DNM3: variants seen among roughly 807,000 people sequenced by gnomAD.
DNM3 encodes dynamin 3.
A neutral mutation model predicts 101.6 loss-of-function variants in DNM3; 47 were observed. The observed-to-expected ratio is 0.46, with a 90% confidence interval of 0.37 to 0.59. The LOEUF is 0.59. Ranked by LOEUF, DNM3 falls within the 20% of genes least tolerant of loss-of-function variation. DNM3 has a pLI of 0.00. For synonymous variants in DNM3, 385 were observed against 387.9 expected, an observed-to-expected ratio of 0.99 and a Z score of 0.09; for missense variants, 849 against 1,085.7, an observed-to-expected ratio of 0.78 and a Z score of 3.06.
intron 13 of DNM3, among the ~76,000 whole-genome samples, chr1:172,125,930 T>G (rs2056596458): frequency 6.6e-6 from 1 of 152,216 alleles, no homozygotes; most frequent in South Asian, 2.1e-4. Context: ...TCAAATTTTA[T>G]TTAGTCTTTG....
At chr1:172,258,887 G>A (rs2062529175) in intron 15 of DNM3, among the ~76,000 whole-genome samples, 1 of 150,992 alleles carries the variant, frequency 6.6e-6, no homozygotes, top group South Asian at 2.1e-4. Context: ...GGCAATTATT[G>A]CTATAAACCT....
intron 2 of DNM3, among the ~76,000 whole-genome samples, chr1:171,926,927 A>G (rs983348087): frequency 6.6e-6 from 1 of 152,224 alleles, no homozygotes; most frequent in African/African-American, 2.4e-5. Context: ...TATGAAAACC[A>G]CATAGCTACC....
intron 14 of DNM3, among the ~76,000 whole-genome samples, chr1:172,145,028 C>A (rs531699330): frequency 6.6e-6 from 1 of 151,912 alleles, no homozygotes; most frequent in East Asian, 1.9e-4. Context: ...TTTTCCTCAA[C>A]TGGGCAGGAA....
intron 14 of DNM3, among the ~76,000 whole-genome samples, chr1:172,172,846 C>T (rs975585558): frequency 1.3e-4 from 20 of 151,804 alleles, no homozygotes; most frequent in East Asian, 3.9e-4. Context: ...CTTAAACAAA[C>T]GGTGATGCAG....
intron 14 of DNM3, among the ~76,000 whole-genome samples, chr1:172,153,569 A>G (rs2058223372): frequency 6.8e-6 from 1 of 146,570 alleles, no homozygotes; most frequent in Non-Finnish European, 1.5e-5. Context: ...TTTTCTTTCC[A>G]TCTTTCCTCC....
intron 17 of DNM3, among the ~76,000 whole-genome samples, chr1:172,377,483 A>G (rs1383980216): frequency 1.3e-5 from 2 of 149,860 alleles, no homozygotes; most frequent in African/African-American, 4.9e-5. Flanking sequence ...ATGGAGGCTT[A>G]TATTTCTTTA....
intron 15 of DNM3, among the ~76,000 whole-genome samples, chr1:172,278,584 A>C (rs2063375442): frequency 6.6e-6 from 1 of 152,042 alleles, no homozygotes; most frequent in Non-Finnish European, 1.5e-5. Context: ...CTCACTATAC[A>C]TTTTTTGCCA....
chr1:172,132,994 T>C, intron 14 of DNM3: 1 of 1,528,512 alleles, frequency 6.5e-7, no homozygotes, highest in Non-Finnish European at 8.8e-7. Context: ...GCCTATGCTT[T>C]CAACCACAAA....
At chr1:172,283,780 A>AAAAAAAAAAAGAAAG (rs1553221113) in intron 15 of DNM3, among the ~76,000 whole-genome samples, 9 of 119,068 alleles carry the variant, frequency 7.6e-5, no homozygotes, top group Non-Finnish European at 1.4e-4. Flanking sequence ...AAAAAAAAAA[A>AAAAAAAAAAAGAAAG]AAAGAAAGAA....
chr1:172,195,192 CAAT>C (rs1572906870), intron 14 of DNM3, among the ~76,000 whole-genome samples: 1 of 151,884 alleles, frequency 6.6e-6, no homozygotes, highest in Admixed American at 6.6e-5. Flanking sequence ...CAAACCATAT[CAAT>C]GATGTTGTAT....
chr1:172,145,350 C>G (rs537004704), intron 14 of DNM3, among the ~76,000 whole-genome samples: 298 of 151,194 alleles, frequency 2.0e-3, no homozygotes, highest in African/African-American at 7.0e-3. Context: ...CTCTCTCCCC[C>G]TCTTCCCCTC....
At chr1:171,849,633 C>T (rs973055126) in intron 1 of DNM3, among the ~76,000 whole-genome samples, 3 of 151,914 alleles carry the variant, frequency 2.0e-5, no homozygotes, top group South Asian at 2.1e-4. Flanking sequence ...TGCCCACATT[C>T]GTTAAATGCA....
intron 14 of DNM3, among the ~76,000 whole-genome samples, chr1:172,134,360 C>T (rs1282403792): frequency 6.6e-6 from 1 of 152,162 alleles, no homozygotes; most frequent in Non-Finnish European, 1.5e-5. Flanking sequence ...CTTGCAACCA[C>T]AACTCAAACT....
At chr1:172,344,359 T>G (rs902129688) in intron 17 of DNM3, among the ~76,000 whole-genome samples, 1 of 152,222 alleles carries the variant, frequency 6.6e-6, no homozygotes, top group Non-Finnish European at 1.5e-5. Flanking sequence ...TTGTCTTCTA[T>G]TCTCGTCTTC....
chr1:172,113,673 G>A (rs1162899071), intron 13 of DNM3, among the ~76,000 whole-genome samples: 6 of 144,132 alleles, frequency 4.2e-5, no homozygotes, highest in Middle Eastern at 7.2e-3. Context: ...TTTTCTTAAC[G>A]TAAATTTTTA....
At chr1:172,354,112 T>TGTGTGTGTGAGAGAGAGA (rs138540712) in intron 17 of DNM3, among the ~76,000 whole-genome samples, 1 of 94,940 alleles carries the variant, frequency 1.1e-5, no homozygotes, top group African/African-American at 4.4e-5. Context: ...TGTGTGTGTG[T>TGTGTGTGTGAGAGAGAGA]GAGAGAGAGA....
At chr1:171,985,409 A>G (rs1428572896) in intron 2 of DNM3, among the ~76,000 whole-genome samples, 1 of 152,220 alleles carries the variant, frequency 6.6e-6, no homozygotes, top group Non-Finnish European at 1.5e-5. Flanking sequence ...AATAAAATAA[A>G]GGCTCTATCT....
chr1:172,117,596 C>A (rs1269884061), intron 13 of DNM3, among the ~76,000 whole-genome samples: 2 of 152,152 alleles, frequency 1.3e-5, no homozygotes, highest in Non-Finnish European at 2.9e-5. Flanking sequence ...CCATGTGGAA[C>A]TGTAAGTCCA....
At chr1:172,177,965 A>C (rs1282153912) in intron 14 of DNM3, among the ~76,000 whole-genome samples, 1 of 151,924 alleles carries the variant, frequency 6.6e-6, no homozygotes, top group Admixed American at 6.6e-5. Flanking sequence ...TTGTGTTATC[A>C]GGCGCTTTCT....
Sources: allele counts gnomAD v4.1 joint callset (sites outside exome capture counted in the v4.1 genomes callset), GRCh38; gene constraint gnomAD v4.1.1; transcripts MANE v1.5; gene names NCBI Gene and HGNC (gene_info 2026-07-23, HGNC 2026-07-21).